PLEKHA7: variants seen among roughly 807,000 people sequenced by gnomAD.
PLEKHA7 encodes pleckstrin homology domain containing A7, also known as pleckstrin homology domain-containing family A member 7.
Under a neutral mutation model 170.0 loss-of-function variants are expected in PLEKHA7, and 104 were observed. The ratio of observed to expected loss-of-function variants is 0.61; its 90% CI spans 0.52 to 0.72. PLEKHA7 has a LOEUF of 0.72. Ranked by LOEUF, PLEKHA7 falls within the 30% of genes least tolerant of loss-of-function variation. The pLI, the probability that PLEKHA7 is intolerant of heterozygous loss-of-function variation, is 0.00. For missense variants in PLEKHA7, 1,615 were observed against 1,671.7 expected, an observed-to-expected ratio of 0.97 and a Z score of 0.59; for synonymous variants, 648 against 660.8, an observed-to-expected ratio of 0.98 and a Z score of 0.30.
chr11:16,782,937 T>C, intron 25 of PLEKHA7, 41 bp from the exon 26 acceptor site: 1 of 1,526,588 alleles, frequency 6.6e-7, no homozygotes, highest in Non-Finnish European at 8.8e-7. Flanking sequence ...CCTCCTGCCC[T>C]GGGTAGCAGC....
Position 16,871,102 on chromosome 11 carries a change from T to C in PLEKHA7, c.302A>G (p.Glu101Gly). Reference sequence around the variant, plus strand: ...GAGAATACATAAAAAGACTTACTCTTCTTGAAGAATGAATTCACTATTTTC... The same window carrying C: ...GAGAATACATAAAAAGACTTACTCTCCTTGAAGAATGAATTCACTATTTTC... ...SPENSEFILQ[E>G]EPNPHMSKQD... The change falls in exon 4 of 27, where the codon GAA becomes GGA. Residue 101 changes from glutamate (E) to glycine (G), a missense_variant. Coordinates refer to ENST00000531066, the MANE Select transcript of PLEKHA7 (RefSeq NM_001329630.2). 1 of 1,589,368 alleles carries C rather than the reference T, an allele frequency of 6.3e-7. No individual in the cohort carries two copies. Among genetic ancestry groups the C allele is most frequent in the East Asian group, 2.2e-5 (1 of 44,730 alleles).
At chr11:17,002,797 G>A (rs574461495) in intron 3 of PLEKHA7, among the ~76,000 whole-genome samples, 42 of 152,218 alleles carry the variant, frequency 2.8e-4, no homozygotes, top group African/African-American at 8.9e-4. Context: ...TAACTGCCCA[G>A]TAAAGAGGTA....
chr11:16,839,750 C>T (rs1401927807), intron 9 of PLEKHA7, among the ~76,000 whole-genome samples: 1 of 152,124 alleles, frequency 6.6e-6, no homozygotes, highest in Non-Finnish European at 1.5e-5. Context: ...TATGCAAATA[C>T]ACCATTTTAT....
chr11:16,958,700 ATAT>A (rs1163454431), intron 3 of PLEKHA7, among the ~76,000 whole-genome samples: 1 of 152,242 alleles, frequency 6.6e-6, no homozygotes. Context: ...GACCTCAATA[ATAT>A]TTAAAATGTC....
At chr11:16,936,423 A>AAAAAAAAAAAC (rs1860306386) in intron 3 of PLEKHA7, among the ~76,000 whole-genome samples, 1 of 148,026 alleles carries the variant, frequency 6.8e-6, no homozygotes, top group Non-Finnish European at 1.5e-5. Context: ...AAAAAAAAAA[A>AAAAAAAAAAAC]AAATCAGGTC....
At chr11:16,983,220 A>C (rs1863543260) in intron 3 of PLEKHA7, among the ~76,000 whole-genome samples, 1 of 152,218 alleles carries the variant, frequency 6.6e-6, no homozygotes, top group Admixed American at 6.5e-5. Flanking sequence ...CTCAACCTGA[A>C]ATGGAACTTC....
chr11:16,941,939 C>T (rs1185989913), intron 3 of PLEKHA7, among the ~76,000 whole-genome samples: 1 of 152,228 alleles, frequency 6.6e-6, no homozygotes, highest in Non-Finnish European at 1.5e-5. Context: ...AAGGGATTTC[C>T]ACTGCCTTGT....
chr11:16,883,209 G>A (rs920774350), intron 3 of PLEKHA7, among the ~76,000 whole-genome samples: 36 of 152,102 alleles, frequency 2.4e-4, no homozygotes, highest in Non-Finnish European at 1.0e-4. Context: ...AAACCACATC[G>A]GGCACCAGCA....
At chr11:16,915,366 TTTA>T (rs966264662) in intron 3 of PLEKHA7, among the ~76,000 whole-genome samples, 1 of 152,130 alleles carries the variant, frequency 6.6e-6, no homozygotes, top group African/African-American at 2.4e-5. Flanking sequence ...TTATTTTTAA[TTTA>T]TTATTATTAT....
intron 10 of PLEKHA7, among the ~76,000 whole-genome samples, chr11:16,820,637 T>C (rs1383495434): frequency 6.6e-6 from 1 of 152,154 alleles, no homozygotes; most frequent in African/African-American, 2.4e-5. Context: ...AGAAGCAAAA[T>C]GCAAACTATG....
At chr11:16,787,491 T>C (rs1383892102) in intron 23 of PLEKHA7, 1 of 152,126 alleles carries the variant, frequency 6.6e-6, no homozygotes. Flanking sequence ...GTTCCAAAGA[T>C]GAAAAAATCA....
intron 3 of PLEKHA7, 97 bp downstream of exon 3, chr11:17,013,891 GC>G (rs1241782089): frequency 7.6e-7 from 1 of 1,314,246 alleles, no homozygotes. Context: ...ACGAGCCCGG[GC>G]CGGCGGGAGC....
intron 3 of PLEKHA7, among the ~76,000 whole-genome samples, chr11:17,007,898 A>C (rs1383441662): frequency 1.4e-4 from 21 of 152,308 alleles, no homozygotes; most frequent in Non-Finnish European, 7.4e-5. Flanking sequence ...TTGGTGCAAA[A>C]GTAATTGCAG....
At chr11:17,004,229 G>A (rs1864847028) in intron 3 of PLEKHA7, among the ~76,000 whole-genome samples, 1 of 152,110 alleles carries the variant, frequency 6.6e-6, no homozygotes. Flanking sequence ...GGCACTTCCT[G>A]CATCCAGTCT....
rs740625 is a variant in PLEKHA7 at position 16,802,281 on chromosome 11, T to C, written c.2158-464A>G. ...CCCATTCCGGCACTCCCATCCAGAC[T>C]TGCTGCCTCCATAGCCCAGATCCTA... On this transcript the variant is annotated intron_variant, in intron 15 of 26. Coordinates refer to ENST00000531066, the MANE Select transcript of PLEKHA7 (RefSeq NM_001329630.2). 9.1e-3 allele frequency among the ~76,000 whole-genome samples: 1,393 copies of C among 152,334 alleles called. 12 individuals are homozygous for C. Among genetic ancestry groups the C allele is most frequent in the Non-Finnish European group, 0.015 (1,001 of 68,038 alleles).
At chr11:16,977,475 A>G (rs996646116) in intron 3 of PLEKHA7, among the ~76,000 whole-genome samples, 34 of 152,026 alleles carry the variant, frequency 2.2e-4, no homozygotes, top group African/African-American at 7.7e-4. Flanking sequence ...GCCCCTATTT[A>G]TCCCTCCCGA....
chr11:16,832,144 G>C (rs983766179), intron 9 of PLEKHA7, among the ~76,000 whole-genome samples: 1 of 152,146 alleles, frequency 6.6e-6, no homozygotes, highest in African/African-American at 2.4e-5. Context: ...TAAAAAGCTG[G>C]GTAGAAGGTG....
At chr11:16,960,553 C>A (rs1861993962) in intron 3 of PLEKHA7, among the ~76,000 whole-genome samples, 1 of 152,076 alleles carries the variant, frequency 6.6e-6, no homozygotes. Flanking sequence ...CTAGGAAGGC[C>A]CTTCCCTCAT....
chr11:16,934,605 T>C (rs184106065), intron 3 of PLEKHA7, among the ~76,000 whole-genome samples: 1 of 152,318 alleles, frequency 6.6e-6, no homozygotes, highest in East Asian at 1.9e-4. Context: ...CTTGTCTCCT[T>C]AGGCTTAATC....
Sources: allele counts gnomAD v4.1 joint callset (sites outside exome capture counted in the v4.1 genomes callset), GRCh38; gene constraint gnomAD v4.1.1; transcripts MANE v1.5; gene names NCBI Gene and HGNC (gene_info 2026-07-23, HGNC 2026-07-21).